The following GRID2 variants were observed in gnomAD, a reference collection of about 807,000 sequenced individuals.
GRID2 encodes the protein glutamate receptor ionotropic, delta-2.
In GRID2, 33 loss-of-function variants were observed where a neutral mutation model predicts 114.8. The observed-to-expected ratio is 0.29, with a 90% CI of 0.22 to 0.38. The LOEUF (loss-of-function observed/expected upper bound fraction) is 0.38, where lower values mean the gene tolerates loss of function less well. Among genes scored for constraint, GRID2 ranks in the 10% least tolerant of loss-of-function variants. GRID2 has a pLI of 1.00. For missense variants in GRID2, 1,184 were observed against 1,257.7 expected, an observed-to-expected ratio of 0.94 and a Z score of 0.89; for synonymous variants, 505 against 449.9, an observed-to-expected ratio of 1.12 and a Z score of -1.55.
chr4:92,310,148 C>A (rs909390837), intron 1 of GRID2, among the ~76,000 whole-genome samples: 3 of 152,022 alleles, frequency 2.0e-5, no homozygotes, highest in African/African-American at 7.2e-5. Flanking sequence ...TCCACCACTA[C>A]TATCACTACA....
chr4:92,809,325 G>A (rs1740558350), intron 2 of GRID2, among the ~76,000 whole-genome samples: 1 of 151,862 alleles, frequency 6.6e-6, no homozygotes, highest in Admixed American at 6.6e-5. Flanking sequence ...AAAATTCTGA[G>A]GGAACTATTG....
At chr4:93,134,010 T>C (rs1490196780) in intron 4 of GRID2, among the ~76,000 whole-genome samples, 2 of 152,170 alleles carry the variant, frequency 1.3e-5, no homozygotes, top group Non-Finnish European at 2.9e-5. Context: ...AATGTAATTT[T>C]AATTAGCATC....
chr4:93,459,204 AAAAGAT>A (rs1723503713), intron 11 of GRID2, among the ~76,000 whole-genome samples: 1 of 150,526 alleles, frequency 6.6e-6, no homozygotes. Context: ...AAAAAAAAAA[AAAAGAT>A]AGAGTAGTTA....
intron 8 of GRID2, among the ~76,000 whole-genome samples, chr4:93,269,054 C>CA (rs1201619963): frequency 2.0e-5 from 3 of 151,970 alleles, no homozygotes; most frequent in African/African-American, 7.2e-5. Context: ...TTTTGAAATA[C>CA]AAAAAATTTT....
chr4:92,493,127 C>CA (rs1043809824), intron 1 of GRID2, among the ~76,000 whole-genome samples: 1,847 of 47,428 alleles, frequency 0.039, 49 homozygotes, highest in African/African-American at 0.076. Context: ...GACTCCATCT[C>CA]AAAAAAAAAA....
chr4:92,762,393 T>C (rs985930783), intron 2 of GRID2, among the ~76,000 whole-genome samples: 1 of 151,962 alleles, frequency 6.6e-6, no homozygotes, highest in African/African-American at 2.4e-5. Context: ...CTCCTTTAAA[T>C]GAAATAGACT....
intron 4 of GRID2, among the ~76,000 whole-genome samples, chr4:93,170,777 A>T (rs1264832958): frequency 2.0e-5 from 3 of 151,998 alleles, no homozygotes; most frequent in Admixed American, 2.0e-4. Context: ...GCGCACATCC[A>T]CTTAGATGTC....
In GRID2 at chr4:92,653,021, T is replaced by A. The variant is rs191370331; in HGVS notation, c.244+62735T>A. Among the ~76,000 whole-genome samples the A allele has an allele frequency of 2.7e-3, 389 of 145,384 alleles. 19 individuals are homozygous for A. Among genetic ancestry groups the A allele is most frequent in the Non-Finnish European group, 4.4e-3 (291 of 66,708 alleles). ...ATATATAAATACATATATATACTTT[T>A]TTTTTTCTAAGTTGGCGTCTCACTC... On this transcript the variant is annotated intron_variant, in intron 2 of 15. Coordinates refer to ENST00000282020, the MANE Select transcript of GRID2 (RefSeq NM_001510.4).
intron 8 of GRID2, among the ~76,000 whole-genome samples, chr4:93,249,699 A>G (rs1363473999): frequency 6.6e-6 from 1 of 152,190 alleles, no homozygotes; most frequent in Non-Finnish European, 1.5e-5. Context: ...ATGAGCAGAC[A>G]CTGCTCAAAA....
At chr4:93,020,158 T>C (rs1300685229) in intron 2 of GRID2, among the ~76,000 whole-genome samples, 1 of 152,170 alleles carries the variant, frequency 6.6e-6, no homozygotes, top group African/African-American at 2.4e-5. Flanking sequence ...AGTAACAATC[T>C]GAAACTAAAA....
intron 13 of GRID2, among the ~76,000 whole-genome samples, chr4:93,580,755 T>TTC (rs889868843): frequency 8.1e-5 from 12 of 148,354 alleles, no homozygotes; most frequent in Non-Finnish European, 1.3e-4. Flanking sequence ...CAAAGAGCAT[T>TTC]TTTTTTTTCT....
intron 1 of GRID2, among the ~76,000 whole-genome samples, chr4:92,567,745 A>G (rs528612003): frequency 1.1e-4 from 16 of 152,052 alleles, no homozygotes; most frequent in Non-Finnish European, 1.5e-4. Context: ...TTACTACACT[A>G]TTAATTTTAT....
rs529646060 is a variant in GRID2, at chr4:92,555,999, G to A, written c.89-34132G>A. ...CTCCTTGAATAATTTATGTTCTTTG[G>A]CTTCTCTTACCCATGACAATGGGCC... On this transcript the variant is annotated intron_variant, in intron 1 of 15. Transcript: ENST00000282020. 1.7e-4 allele frequency among the ~76,000 whole-genome samples: 26 copies of A among 152,046 alleles called. No homozygotes were observed. The South Asian group carries it at 5.2e-3, about 30-fold the overall frequency.
At chr4:93,500,973 T>A (rs72668799) in intron 12 of GRID2, among the ~76,000 whole-genome samples, 6,147 of 152,102 alleles carry the variant, frequency 0.04, 188 homozygotes, top group African/African-American at 0.082. Context: ...GGAATACTAT[T>A]CTACTTGTTT....
intron 2 of GRID2, among the ~76,000 whole-genome samples, chr4:93,042,890 G>T (rs1210910309): frequency 6.6e-6 from 1 of 151,262 alleles, no homozygotes; most frequent in Non-Finnish European, 1.5e-5. Context: ...AAAAGAGCAG[G>T]CAGGCAACAA....
At chr4:93,233,218 C>T (rs927648663) in intron 7 of GRID2, among the ~76,000 whole-genome samples, 3 of 152,004 alleles carry the variant, frequency 2.0e-5, no homozygotes, top group African/African-American at 7.2e-5. Flanking sequence ...AGAGACATGG[C>T]TTCTAATTAG....
chr4:92,910,099 T>C (rs1055001484), intron 2 of GRID2, among the ~76,000 whole-genome samples: 1 of 151,964 alleles, frequency 6.6e-6, no homozygotes, highest in East Asian at 1.9e-4. Context: ...GGTGAGAAAT[T>C]TAAAGCCATT....
At chr4:92,576,910 T>C (rs1049842447) in intron 1 of GRID2, among the ~76,000 whole-genome samples, 1 of 152,158 alleles carries the variant, frequency 6.6e-6, no homozygotes, top group African/African-American at 2.4e-5. Context: ...CTTTGGGCTA[T>C]TTTTTAATAT....
chr4:93,394,476 A>G (rs929685910), intron 8 of GRID2, among the ~76,000 whole-genome samples: 1 of 151,920 alleles, frequency 6.6e-6, no homozygotes, highest in Non-Finnish European at 1.5e-5. Flanking sequence ...TTGGGTTTTA[A>G]TAGGAAGCAC....
Sources: gnomAD v4.1 joint callset for allele counts (sites outside exome capture counted in the v4.1 genomes callset) on GRCh38, gnomAD v4.1.1 for gene constraint, MANE v1.5 for transcripts, NCBI Gene and HGNC (gene_info 2026-07-23, HGNC 2026-07-21) for gene names.